The following TFDP1 variants were observed in gnomAD, a reference collection of about 807,000 sequenced individuals.
TFDP1 encodes the protein DRTF1-polypeptide 1.
A neutral mutation model predicts 48.0 loss-of-function variants in TFDP1; 6 were observed. The ratio of observed to expected loss-of-function variants is 0.13; its 90% CI spans 0.07 to 0.25. The LOEUF (loss-of-function observed/expected upper bound fraction) is 0.25. Ranked by LOEUF, TFDP1 falls within the 10% of genes least tolerant of loss-of-function variation. The probability of loss-of-function intolerance (pLI) is 1.00; values close to 1 mark genes in which losing one functional copy is unlikely to be tolerated. For missense variants in TFDP1, 335 were observed against 543.0 expected (o/e 0.62, Z 3.81); for synonymous variants, 201 against 211.6 (o/e 0.95, Z 0.44).
intron 2 of TFDP1, among the ~76,000 whole-genome samples, chr13:113,609,472 C>T (rs1319563273): frequency 2.6e-5 from 4 of 152,106 alleles, no homozygotes; most frequent in Non-Finnish European, 4.4e-5. Context: ...GTGAACTTGC[C>T]GTGGTCCTCG....
In TFDP1 at chr13:113,623,805, C is replaced by T. The variant is rs182778045; in HGVS notation, c.186+519C>T. Among the ~76,000 whole-genome samples, 417 of 152,246 alleles carry T rather than the reference C, an allele frequency of 2.7e-3. 1 individual carries two copies. The highest frequency in any genetic ancestry group is 9.5e-3 in the African/African-American group (394 of 41,538). On this transcript the variant is annotated intron_variant, in intron 4 of 11. Coordinates refer to ENST00000375370, the MANE Select transcript of TFDP1 (RefSeq NM_007111.5). The surrounding 1 kb of genome is among the most constrained non-coding windows in gnomAD (Gnocchi z 5.2). The stretch of plus-strand genomic sequence containing the variant: ...GGGGAAGGTGGGCATTGGGAAGTGG[C>T]GCATCCCCCCTCCCCAGGCTGATGC...
At chr13:113,629,959 G>A (rs1281476125) in intron 4 of TFDP1, among the ~76,000 whole-genome samples, 1 of 152,230 alleles carries the variant, frequency 6.6e-6, no homozygotes, top group African/African-American at 2.4e-5. Context: ...ACCTGTGCGT[G>A]TGGTATGCGC....
At chr13:113,610,794 C>T (rs4150728) in intron 2 of TFDP1, among the ~76,000 whole-genome samples, 2,072 of 152,230 alleles carry the variant, frequency 0.014, 47 homozygotes, top group African/African-American at 0.047. Flanking sequence ...CTGTTTTGGC[C>T]CTGTAGGTGC....
At chr13:113,609,865 G>A (rs961557795) in intron 2 of TFDP1, among the ~76,000 whole-genome samples, 1 of 152,200 alleles carries the variant, frequency 6.6e-6, no homozygotes, top group African/African-American at 2.4e-5. Flanking sequence ...ATGCTGCCGT[G>A]TGTGTGCTCA....
chr13:113,617,411 C>T (rs894572321), intron 3 of TFDP1, among the ~76,000 whole-genome samples: 5 of 152,208 alleles, frequency 3.3e-5, no homozygotes, highest in African/African-American at 9.7e-5. Flanking sequence ...GAGCCAGTCA[C>T]AGAGGCACTC....
intron 2 of TFDP1, among the ~76,000 whole-genome samples, chr13:113,591,731 A>G (rs770922754): frequency 6.6e-6 from 1 of 152,202 alleles, no homozygotes; most frequent in Non-Finnish European, 1.5e-5. Context: ...AGATTTGTCA[A>G]GTTTTGCTTA....
chr13:113,599,966 G>A (rs1366419212), intron 2 of TFDP1, among the ~76,000 whole-genome samples: 1 of 151,172 alleles, frequency 6.6e-6, no homozygotes, highest in Non-Finnish European at 1.5e-5. Flanking sequence ...ATCCTTGCAC[G>A]TAGGGCTCCA....
At chr13:113,587,201 C>T (rs553406644) in intron 2 of TFDP1, among the ~76,000 whole-genome samples, 84 of 152,050 alleles carry the variant, frequency 5.5e-4, no homozygotes, top group East Asian at 4.6e-3. Context: ...GGGTGGGGGG[C>T]GTGTGGAAAG....
intron 2 of TFDP1, among the ~76,000 whole-genome samples, chr13:113,594,849 C>T (rs1475746305): frequency 6.6e-6 from 1 of 152,190 alleles, no homozygotes; most frequent in African/African-American, 2.4e-5. Context: ...TAAGAGTAAT[C>T]TTAGTTGCAG....
intron 8 of TFDP1, among the ~76,000 whole-genome samples, chr13:113,635,650 T>C (rs1050278717): frequency 6.6e-6 from 1 of 152,098 alleles, no homozygotes; most frequent in African/African-American, 2.4e-5. Flanking sequence ...TGGTGGTAGG[T>C]GGTCTTAGAG....
chr13:113,639,891 CG>C (rs1302040645), intron 11 of TFDP1, among the ~76,000 whole-genome samples: 1 of 152,220 alleles, frequency 6.6e-6, no homozygotes, highest in Non-Finnish European at 1.5e-5. Context: ...CTGTTTCTGT[CG>C]TTATGGGTTC....
intron 4 of TFDP1, among the ~76,000 whole-genome samples, chr13:113,628,175 C>T (rs2049235784): frequency 6.7e-6 from 1 of 150,104 alleles, no homozygotes; most frequent in East Asian, 2.0e-4. Context: ...GTGTCTGAAG[C>T]CGTGTAAAGA....
chr13:113,591,998 T>C lies in TFDP1; in HGVS notation c.12+6149T>C, dbSNP rs1414546385. 7.2e-5 allele frequency among the ~76,000 whole-genome samples: 11 copies of C among 152,228 alleles called. No homozygotes were observed. In the East Asian group the frequency reaches 1.9e-3, roughly 27 times the overall value. Reference sequence around the variant, plus strand: ...CCGACTGGCTGAGATTCCCGCAGCATCCCGACTCCGCTTCAGGGCTCCTGT... The same window carrying C: ...CCGACTGGCTGAGATTCCCGCAGCACCCCGACTCCGCTTCAGGGCTCCTGT... On this transcript the variant is annotated intron_variant, in intron 2 of 11. Coordinates refer to ENST00000375370, the MANE Select transcript of TFDP1 (RefSeq NM_007111.5).
chr13:113,614,793 A>C (rs1340329174), intron 3 of TFDP1, among the ~76,000 whole-genome samples: 1 of 152,190 alleles, frequency 6.6e-6, no homozygotes, highest in Non-Finnish European at 1.5e-5. Context: ...TACAGGACCC[A>C]CCTAGCCATA....
intron 2 of TFDP1, among the ~76,000 whole-genome samples, chr13:113,604,160 CA>C (rs5806996): frequency 0.021 from 2,211 of 104,420 alleles, 40 homozygotes; most frequent in African/African-American, 0.061. Context: ...CAGCCTGTCT[CA>C]AAAAAAAAAA....
chr13:113,628,130 T>C (rs918938963), intron 4 of TFDP1, among the ~76,000 whole-genome samples: 16 of 147,280 alleles, frequency 1.1e-4, no homozygotes, highest in African/African-American at 3.6e-4. Flanking sequence ...TGTCTGAAGC[T>C]GTGTAAAGAC....
chr13:113,629,625 C>G (rs559044256), intron 4 of TFDP1, among the ~76,000 whole-genome samples: 2 of 152,288 alleles, frequency 1.3e-5, no homozygotes, highest in South Asian at 4.1e-4. Flanking sequence ...GGCTAACATG[C>G]GTGATCTGAG....
intron 4 of TFDP1, among the ~76,000 whole-genome samples, chr13:113,624,213 G>C (rs1388310727): frequency 1.3e-5 from 2 of 152,116 alleles, no homozygotes; most frequent in Non-Finnish European, 2.9e-5. Context: ...CCCTCACCCT[G>C]CTCCGTCTGT....
intron 3 of TFDP1, among the ~76,000 whole-genome samples, chr13:113,619,351 G>A (rs2048938438): frequency 6.6e-6 from 1 of 152,048 alleles, no homozygotes; most frequent in Admixed American, 6.6e-5. Flanking sequence ...GGTGCCTGTA[G>A]TCCCAGCTAC....
Sources: allele counts gnomAD v4.1 joint callset (sites outside exome capture counted in the v4.1 genomes callset), GRCh38; gene constraint gnomAD v4.1.1; non-coding constraint Gnocchi (gnomAD v3.1); transcripts MANE v1.5; gene names NCBI Gene and HGNC (gene_info 2026-07-23, HGNC 2026-07-21).